The following ROR2 variants were observed in gnomAD, a reference collection of about 807,000 sequenced individuals.
ROR2 encodes the protein ROR family WNT receptor 2.
ROR2 carries 33 observed loss-of-function variants against 74.9 expected under a neutral mutation model. The ratio of observed to expected loss-of-function variants is 0.44; its 90% CI spans 0.33 to 0.59. The LOEUF is 0.59. Ranked by LOEUF, ROR2 falls within the 20% of genes least tolerant of loss-of-function variation. ROR2 has a pLI of 0.02. For missense variants in ROR2, 1,216 were observed against 1,313.8 expected (o/e 0.93, Z 1.15); for synonymous variants, 586 against 558.7 (o/e 1.05, Z -0.69).
At chr9:91,907,537 T>C (rs894742032) in intron 1 of ROR2, among the ~76,000 whole-genome samples, 8 of 152,140 alleles carry the variant, frequency 5.3e-5, no homozygotes, top group African/African-American at 1.9e-4. Context: ...AAAGGTGATA[T>C]TTTTAAAAGG....
At chr9:91,838,712 GA>G (rs56167549) in intron 1 of ROR2, among the ~76,000 whole-genome samples, 38,285 of 152,022 alleles carry the variant, frequency 0.25, 5,247 homozygotes, top group Admixed American at 0.42. Context: ...GCTGCAGTCG[GA>G]AAATAGGATC....
chr9:91,778,676 C>T (rs537514473), intron 1 of ROR2, among the ~76,000 whole-genome samples: 98 of 152,298 alleles, frequency 6.4e-4, no homozygotes, highest in Non-Finnish European at 1.1e-3. Flanking sequence ...CAAACCCACA[C>T]GTCCTCCGTT....
chr9:91,865,318 A>G lies in ROR2; in HGVS notation c.97+84549T>C, dbSNP rs80165363. Among the ~76,000 whole-genome samples, 155 of 152,322 alleles carry G rather than the reference A, an allele frequency of 1.0e-3. 1 individual carries two copies. The East Asian group carries it at 0.027, about 27-fold the overall frequency. ...TCCTACTCTGGGACTCTGCTTAAGA[A>G]AACAGTCTCCAGATTAGAGACACTC... On this transcript the variant is annotated intron_variant, in intron 1 of 8. Transcript: ENST00000375708.
chr9:91,738,690 A>G (rs1825118915), intron 4 of ROR2, among the ~76,000 whole-genome samples: 2 of 152,246 alleles, frequency 1.3e-5, no homozygotes, highest in Non-Finnish European at 2.9e-5. Flanking sequence ...AACTCACAGA[A>G]TGGCATACAT....
intron 1 of ROR2, among the ~76,000 whole-genome samples, chr9:91,932,998 T>C (rs1191342797): frequency 2.0e-5 from 3 of 152,132 alleles, no homozygotes; most frequent in Non-Finnish European, 4.4e-5. Flanking sequence ...TTGTAGACAG[T>C]ATCAAAAGTT....
chr9:91,837,886 C>A (rs1206485033), intron 1 of ROR2, among the ~76,000 whole-genome samples: 1 of 152,202 alleles, frequency 6.6e-6, no homozygotes, highest in Non-Finnish European at 1.5e-5. Context: ...CACGTGTTCA[C>A]ACATTCTAAG....
chr9:91,916,406 C>T (rs981053353), intron 1 of ROR2, among the ~76,000 whole-genome samples: 2 of 152,178 alleles, frequency 1.3e-5, no homozygotes, highest in African/African-American at 2.4e-5. Flanking sequence ...CCCCACCTGT[C>T]GCAGCCAGGC....
chr9:91,844,348 G>C (rs921642455), intron 1 of ROR2, among the ~76,000 whole-genome samples: 5 of 152,076 alleles, frequency 3.3e-5, no homozygotes, highest in Admixed American at 3.3e-4. Flanking sequence ...ATGGGCTCTC[G>C]GCCTCCACGC....
intron 1 of ROR2, among the ~76,000 whole-genome samples, chr9:91,942,273 G>A (rs976124498): frequency 2.6e-5 from 4 of 152,076 alleles, no homozygotes; most frequent in Non-Finnish European, 5.9e-5. Flanking sequence ...TGGGAAGGAC[G>A]GCATCCATCT....
At chr9:91,929,698 G>A (rs896173703) in intron 1 of ROR2, among the ~76,000 whole-genome samples, 1 of 152,132 alleles carries the variant, frequency 6.6e-6, no homozygotes, top group African/African-American at 2.4e-5. Flanking sequence ...CCAAGTCCAA[G>A]AAAACCCAAA....
Position 91,722,694 on chromosome 9 carries a change from T to C in ROR2, c.*968A>G, listed in dbSNP as rs1836843126. On this transcript the variant is annotated 3_prime_UTR_variant, in exon 9 of 9. Coordinates refer to ENST00000375708, the MANE Select transcript of ROR2 (RefSeq NM_004560.4). ...GCACAGACGGCTGCCTGTGGGTCTG[T>C]GTGTAACAGGGGCTGTAAAATGAAT... is the stretch of plus-strand genomic sequence containing the variant. 2.6e-6 allele frequency: 2 copies of C among 759,336 alleles called. No homozygotes were observed. Among genetic ancestry groups the C allele is most frequent in the Non-Finnish European group, 4.9e-6 (2 of 407,564 alleles). 47.0% of individuals were successfully genotyped at this position (759,336 alleles called of 1,614,324 possible).
chr9:91,854,534 C>T (rs1829214893), intron 1 of ROR2, among the ~76,000 whole-genome samples: 1 of 152,184 alleles, frequency 6.6e-6, no homozygotes, highest in African/African-American at 2.4e-5. Flanking sequence ...ACCCGGAATC[C>T]CTCAGTGAAG....
chr9:91,927,859 C>G (rs891256157), intron 1 of ROR2, among the ~76,000 whole-genome samples: 1 of 152,090 alleles, frequency 6.6e-6, no homozygotes, highest in African/African-American at 2.4e-5. Flanking sequence ...CCACCGCGCC[C>G]AGCCTCTAGA....
At chr9:91,772,084 T>G (rs1007907200) in intron 2 of ROR2, among the ~76,000 whole-genome samples, 1 of 152,218 alleles carries the variant, frequency 6.6e-6, no homozygotes, top group Non-Finnish European at 1.5e-5. Context: ...ACTCCTTCTA[T>G]TACTAATCAT....
intron 1 of ROR2, among the ~76,000 whole-genome samples, chr9:91,914,545 C>T (rs2119442323): frequency 6.6e-6 from 1 of 152,312 alleles, no homozygotes; most frequent in South Asian, 2.1e-4. Flanking sequence ...TTCCATCCTC[C>T]TGCCGGTCAC....
chr9:91,846,095 A>G (rs771852566), intron 1 of ROR2, among the ~76,000 whole-genome samples: 2 of 152,212 alleles, frequency 1.3e-5, no homozygotes, highest in Admixed American at 6.5e-5. Context: ...GGCTTCTACA[A>G]CAATGGGGCC....
intron 1 of ROR2, among the ~76,000 whole-genome samples, chr9:91,860,436 G>T (rs886181663): frequency 1.3e-5 from 2 of 152,208 alleles, no homozygotes; most frequent in African/African-American, 4.8e-5. Context: ...GTATTAGTCA[G>T]AGTTGGCCAG....
chr9:91,856,664 C>T (rs1829297781), intron 1 of ROR2, among the ~76,000 whole-genome samples: 1 of 152,192 alleles, frequency 6.6e-6, no homozygotes, highest in African/African-American at 2.4e-5. Flanking sequence ...CTTGATCTCA[C>T]ACTTCCACCT....
At chr9:91,757,658 C>T (rs1218954366) in intron 2 of ROR2, 99 bp from the exon 3 acceptor site, 9 of 1,354,036 alleles carry the variant, frequency 6.6e-6, no homozygotes, top group Admixed American at 4.0e-5. Context: ...GGGAAGGTTT[C>T]GATTTTTGTC....
Sources: gnomAD v4.1 joint callset for allele counts (sites outside exome capture counted in the v4.1 genomes callset) on GRCh38, gnomAD v4.1.1 for gene constraint, MANE v1.5 for transcripts, NCBI Gene and HGNC (gene_info 2026-07-23, HGNC 2026-07-21) for gene names.